Variants in CDK15 observed in about 807,000 individuals in gnomAD.
CDK15 encodes cyclin dependent kinase 15.
Under a neutral mutation model 60.3 loss-of-function variants are expected in CDK15, and 62 were observed. The observed-to-expected ratio is 1.03, with a 90% CI of 0.84 to 1.27. The LOEUF is 1.27. Among genes scored for constraint, CDK15 ranks in the 50% most tolerant of loss-of-function variants. The probability of loss-of-function intolerance (pLI) is 0.00; values close to 1 mark genes in which losing one functional copy is unlikely to be tolerated. For synonymous variants in CDK15, 194 were observed against 195.7 expected (o/e 0.99, Z 0.07); for missense variants, 541 against 527.8 (o/e 1.03, Z -0.25).
chr2:201,885,273 T>C (rs942898969), intron 12 of CDK15, among the ~76,000 whole-genome samples: 7 of 152,200 alleles, frequency 4.6e-5, no homozygotes, highest in African/African-American at 1.4e-4. Flanking sequence ...CTATTCTGTT[T>C]ATTGGTTTTT....
Position 201,839,835 on chromosome 2 carries a change from C to T in CDK15, c.851+4072C>T, listed in dbSNP as rs115310649. Among the ~76,000 whole-genome samples, 376 of 152,234 alleles carry T rather than the reference C, an allele frequency of 2.5e-3. 1 individual carries two copies. Among genetic ancestry groups the T allele is most frequent in the African/African-American group, 8.4e-3 (347 of 41,536 alleles). On this transcript the variant is annotated intron_variant, in intron 8 of 13. Coordinates refer to ENST00000652192, the MANE Select transcript of CDK15 (RefSeq NM_001366386.2). The stretch of plus-strand genomic sequence containing the variant: ...AAGATTAAAAGTTGCCTCCAAATTG[C>T]GAAATCCTTGCTGTTTCATCAAAGT...
In CDK15 at chr2:201,807,704, G is replaced by T. The variant is rs938289954; in HGVS notation, c.273+61G>T. The T allele has an allele frequency of 2.0e-5, 32 of 1,601,280 alleles. No individual in the cohort carries two copies. The Admixed American group carries it at 5.2e-4, about 26-fold the overall frequency. On this transcript the variant is annotated intron_variant, in intron 2 of 13. Transcript: ENST00000652192. ...AATGTGAGCTTGTCTACGGAGGCCG[G>T]CCCTTGCTTCCAGGGCAATTACTGA...
chr2:201,863,562 A>C (rs1015849823), intron 10 of CDK15, among the ~76,000 whole-genome samples: 1 of 152,146 alleles, frequency 6.6e-6, no homozygotes, highest in African/African-American at 2.4e-5. Context: ...TGTAAAACAC[A>C]GAGCTGGGGC....
chr2:201,844,334 G>T (rs1431993926), intron 8 of CDK15, among the ~76,000 whole-genome samples: 2 of 152,186 alleles, frequency 1.3e-5, no homozygotes, highest in African/African-American at 4.8e-5. Context: ...CCATTTGGTG[G>T]TGCCCACTAA....
intron 9 of CDK15, among the ~76,000 whole-genome samples, chr2:201,852,776 C>T (rs998452917): frequency 8.3e-4 from 127 of 152,306 alleles, no homozygotes; most frequent in African/African-American, 3.0e-3. Flanking sequence ...AATTCAATAA[C>T]TTGCAAATAG....
chr2:201,832,208 G>C (rs1451095650), intron 6 of CDK15, among the ~76,000 whole-genome samples: 2 of 152,112 alleles, frequency 1.3e-5, no homozygotes, highest in Non-Finnish European at 2.9e-5. Context: ...ACCACATCTG[G>C]CTAATTTTTG....
chr2:201,838,305 C>T (rs1045339861), intron 8 of CDK15, among the ~76,000 whole-genome samples: 2 of 152,028 alleles, frequency 1.3e-5, no homozygotes, highest in Admixed American at 1.3e-4. Context: ...ACCAGGGATA[C>T]TGCTAAACAT....
chr2:201,834,083 A>G, intron 7 of CDK15, 112 bp downstream of exon 7: 1 of 1,286,844 alleles, frequency 7.8e-7, no homozygotes, highest in Non-Finnish European at 1.0e-6. Context: ...CAAGAACATG[A>G]TGCTTTGTGA....
At chr2:201,858,906 C>G (rs541723562) in intron 10 of CDK15, among the ~76,000 whole-genome samples, 13 of 152,282 alleles carry the variant, frequency 8.5e-5, no homozygotes, top group South Asian at 4.1e-4. Context: ...CCAAAACGCT[C>G]CTCCTTTGAC....
In CDK15 at chr2:201,886,413, T is replaced by C. The variant is rs1310037924; in HGVS notation, c.1199-4372T>C. On this transcript the variant is annotated intron_variant, in intron 12 of 13. Coordinates refer to ENST00000652192, the MANE Select transcript of CDK15 (RefSeq NM_001366386.2). Reference sequence around the variant, plus strand: ...TGATCTTGGCTCACTGCAATCTCCATGTCCCAGGTTCAAGAAATTCTCCCG... The same window carrying C: ...TGATCTTGGCTCACTGCAATCTCCACGTCCCAGGTTCAAGAAATTCTCCCG... Among the ~76,000 whole-genome samples the C allele has an allele frequency of 2.6e-5, 4 of 151,904 alleles. No individual in the cohort carries two copies. In the South Asian group the frequency reaches 8.3e-4, roughly 32 times the overall value.
chr2:201,817,780 CA>C (rs2106162134), intron 4 of CDK15, among the ~76,000 whole-genome samples: 1 of 152,268 alleles, frequency 6.6e-6, no homozygotes, highest in African/African-American at 2.4e-5. Flanking sequence ...ACAAATACAG[CA>C]AATTCATTGT....
At position 201,875,512 on chromosome 2, in the gene CDK15, T is replaced by C. The variant is rs532644083; in HGVS notation, c.1058+3186T>C. Among the ~76,000 whole-genome samples the C allele has an allele frequency of 2.0e-5, 3 of 152,272 alleles. No homozygotes were observed. In the East Asian group the frequency reaches 5.8e-4, roughly 29 times the overall value. ...AAAGATTTCTCTTTGAGAATATTTG[T>C]TACAGCGTGATTTTAATAGTACTAC... On this transcript the variant is annotated intron_variant, in intron 11 of 13. Transcript: ENST00000652192.
intron 8 of CDK15, among the ~76,000 whole-genome samples, chr2:201,843,115 T>C (rs1697474440): frequency 6.6e-6 from 1 of 152,224 alleles, no homozygotes; most frequent in Admixed American, 6.5e-5. Flanking sequence ...ATGACTTGTA[T>C]TCCTAAGGGT....
chr2:201,818,749 C>T (rs1048337813), intron 4 of CDK15, among the ~76,000 whole-genome samples: 2 of 152,078 alleles, frequency 1.3e-5, no homozygotes, highest in African/African-American at 4.8e-5. Flanking sequence ...AAAAGCAGTA[C>T]TAGGAATGGC....
At position 201,854,912 on chromosome 2, in the gene CDK15, C is replaced by A. The variant is rs762160050; in HGVS notation, c.984C>A (p.Val328=). ...CTACAGAGGATACTTGGCCGGGAGT[C>A]TCCAAGCTACCTAACTACAATCCAG... ...GVPTEDTWPG[V]SKLPNYNPEW... is the part of the protein sequence containing the mutation. Residue 328 remains valine (V), a synonymous_variant, in exon 10 of 14, where the codon GTC becomes GTA. Transcript: ENST00000652192. 6.2e-7 allele frequency: 1 copy of A among 1,614,086 alleles called. No homozygotes were observed. The highest frequency in any genetic ancestry group is 1.1e-5 in the South Asian group (1 of 91,076).
At chr2:201,879,943 T>C in intron 11 of CDK15, 85 bp from the exon 12 acceptor site, 2 of 1,510,198 alleles carry the variant, frequency 1.3e-6, no homozygotes, top group Non-Finnish European at 1.8e-6. Context: ...AGCCATCTCC[T>C]TTTCTTTACT....
At chr2:201,836,010 T>A (rs1456559764) in intron 8 of CDK15, among the ~76,000 whole-genome samples, 37 of 114,024 alleles carry the variant, frequency 3.2e-4, no homozygotes, top group African/African-American at 1.2e-3. Flanking sequence ...ATTTATATTT[T>A]TATATTTTTA....
rs368412630 is a variant in CDK15, at chr2:201,847,330, G to T, written c.852-51G>T. 59 of 1,509,482 alleles carry T rather than the reference G, an allele frequency of 3.9e-5. No homozygotes were observed. In the African/African-American group the frequency reaches 7.2e-4, roughly 18 times the overall value. 93.5% of individuals were successfully genotyped at this position (1,509,482 alleles called of 1,614,324 possible). On this transcript the variant is annotated intron_variant, in intron 8 of 13. Coordinates refer to ENST00000652192, the MANE Select transcript of CDK15 (RefSeq NM_001366386.2). ...AGAGAAATTCTAGTAGTTCAGTTTCGCTTGTATGATTTCTTTCAAAGTGTC... is the reference window on the plus strand; with the variant it reads ...AGAGAAATTCTAGTAGTTCAGTTTCTCTTGTATGATTTCTTTCAAAGTGTC...
intron 13 of CDK15, among the ~76,000 whole-genome samples, chr2:201,892,639 A>G (rs1699673955): frequency 6.6e-6 from 1 of 152,218 alleles, no homozygotes; most frequent in African/African-American, 2.4e-5. Flanking sequence ...ATGTAAGGAG[A>G]TAAAACTGAG....
Sources: allele counts gnomAD v4.1 joint callset (sites outside exome capture counted in the v4.1 genomes callset), GRCh38; gene constraint gnomAD v4.1.1; transcripts MANE v1.5; gene names NCBI Gene and HGNC (gene_info 2026-07-23, HGNC 2026-07-21).